The following ADGRB3 variants were observed in gnomAD, a reference collection of about 807,000 sequenced individuals.
ADGRB3 encodes brain-specific angiogenesis inhibitor 3.
A neutral mutation model predicts 193.4 loss-of-function variants in ADGRB3; 37 were observed. The ratio of observed to expected loss-of-function variants is 0.19; its 90% CI spans 0.15 to 0.25. The LOEUF is 0.25. ADGRB3 is among the 10% of genes least tolerant of loss of function. The pLI is 1.00. For synonymous variants in ADGRB3, 690 were observed against 644.2 expected, an observed-to-expected ratio of 1.07 and a Z score of -1.08; for missense variants, 1,637 against 1,852.9, an observed-to-expected ratio of 0.88 and a Z score of 2.14.
intron 3 of ADGRB3, among the ~76,000 whole-genome samples, chr6:68,737,319 T>C (rs1765891547): frequency 6.6e-6 from 1 of 152,142 alleles, no homozygotes; most frequent in Non-Finnish European, 1.5e-5. Flanking sequence ...ACATTCTTTT[T>C]TTGCATTTAT....
Position 69,050,560 on chromosome 6 carries a change from T to G in ADGRB3, c.2333+1214T>G, listed in dbSNP as rs189923975. ...ATTTACAGTTACTCACAGATAAAAT[T>G]TAGTCATAGTTACACTGCCTATATC... is the stretch of plus-strand genomic sequence containing the variant. On this transcript the variant is annotated intron_variant, in intron 15 of 31. Transcript: ENST00000370598. Among the ~76,000 whole-genome samples the G allele has an allele frequency of 1.2e-3, 188 of 152,312 alleles. 1 individual carries two copies. Among genetic ancestry groups the G allele is most frequent in the African/African-American group, 4.4e-3 (185 of 41,574 alleles).
At chr6:69,246,234 G>T in intron 20 of ADGRB3, among the ~76,000 whole-genome samples, 1 of 152,116 alleles carries the variant, frequency 6.6e-6, no homozygotes, top group East Asian at 1.9e-4. Flanking sequence ...TGCCAATAGT[G>T]TCCCAAGTGT....
chr6:69,333,080 G>T, intron 24 of ADGRB3, 72 bp downstream of exon 24: 1 of 1,476,820 alleles, frequency 6.8e-7, no homozygotes, highest in South Asian at 1.2e-5. Flanking sequence ...GACCATCACT[G>T]ACTGCGTTTG....
At chr6:68,650,885 A>G (rs557818090) in intron 3 of ADGRB3, among the ~76,000 whole-genome samples, 1 of 152,162 alleles carries the variant, frequency 6.6e-6, no homozygotes, top group Non-Finnish European at 1.5e-5. Context: ...CTAGACTTCT[A>G]TTGAAACAGC....
chr6:68,990,817 T>C (rs879427552), intron 10 of ADGRB3, among the ~76,000 whole-genome samples: 1 of 152,304 alleles, frequency 6.6e-6, no homozygotes. Context: ...ACATTAATTA[T>C]TTACCGTGGC....
At position 68,903,679 on chromosome 6, in the gene ADGRB3, A is replaced by G. The variant is rs983250792; in HGVS notation, c.758-26880A>G. Among the ~76,000 whole-genome samples, 20 of 152,210 alleles carry G rather than the reference A, an allele frequency of 1.3e-4. 1 individual carries two copies. The highest frequency in any genetic ancestry group is 1.0e-3 in the South Asian group (5 of 4,826). On this transcript the variant is annotated intron_variant, in intron 3 of 31. Coordinates refer to ENST00000370598, the MANE Select transcript of ADGRB3 (RefSeq NM_001704.3). ...GTGCCTAACTGCTGTCATCTTAGAC[A>G]CAACCACCTCTGATGCTTTCTAATT...
At chr6:69,125,058 A>G (rs1235044136) in intron 17 of ADGRB3, among the ~76,000 whole-genome samples, 2 of 152,142 alleles carry the variant, frequency 1.3e-5, no homozygotes, top group Non-Finnish European at 2.9e-5. Context: ...TGCAGGGTCT[A>G]CATCACCAGG....
intron 3 of ADGRB3, among the ~76,000 whole-genome samples, chr6:68,721,961 T>G (rs1035714447): frequency 6.6e-6 from 1 of 151,650 alleles, no homozygotes; most frequent in South Asian, 2.1e-4. Context: ...TCATTAATCA[T>G]TTTTTCATTT....
At chr6:68,735,100 C>T (rs1582158297) in intron 3 of ADGRB3, among the ~76,000 whole-genome samples, 2 of 151,982 alleles carry the variant, frequency 1.3e-5, no homozygotes, top group South Asian at 2.1e-4. Context: ...TTGTATTCTA[C>T]ATATATAAAT....
intron 3 of ADGRB3, among the ~76,000 whole-genome samples, chr6:68,681,882 T>C (rs1667308343): frequency 6.6e-6 from 1 of 152,236 alleles, no homozygotes; most frequent in African/African-American, 2.4e-5. Context: ...TTACTCTGTC[T>C]GGTATGACAA....
intron 20 of ADGRB3, among the ~76,000 whole-genome samples, chr6:69,291,737 C>A (rs980802495): frequency 6.6e-6 from 1 of 152,082 alleles, no homozygotes; most frequent in African/African-American, 2.4e-5. Flanking sequence ...GTTCAGGATA[C>A]ACTACCCCCA....
chr6:68,994,358 A>G (rs998570343), intron 11 of ADGRB3, among the ~76,000 whole-genome samples: 2 of 152,202 alleles, frequency 1.3e-5, no homozygotes, highest in African/African-American at 4.8e-5. Context: ...GCAAAAAAAC[A>G]TAGTTTAAAG....
At chr6:68,645,958 C>T (rs1224532980) in intron 3 of ADGRB3, among the ~76,000 whole-genome samples, 1 of 152,036 alleles carries the variant, frequency 6.6e-6, no homozygotes, top group Non-Finnish European at 1.5e-5. Context: ...CAGGCAGGAG[C>T]CACCGTGGCC....
chr6:69,192,665 C>A (rs779483), intron 17 of ADGRB3, among the ~76,000 whole-genome samples: 1 of 151,992 alleles, frequency 6.6e-6, no homozygotes, highest in Non-Finnish European at 1.5e-5. Context: ...GTAGACCAAA[C>A]TGGGTTATCA....
chr6:68,773,233 G>A (rs937032644), intron 3 of ADGRB3, among the ~76,000 whole-genome samples: 2 of 152,016 alleles, frequency 1.3e-5, no homozygotes, highest in African/African-American at 2.4e-5. Flanking sequence ...AAGAAACTAG[G>A]CAATTTTCTA....
chr6:69,040,251 C>T (rs1243907843), intron 13 of ADGRB3, among the ~76,000 whole-genome samples: 1 of 152,042 alleles, frequency 6.6e-6, no homozygotes, highest in Non-Finnish European at 1.5e-5. Context: ...AGAATCCTGT[C>T]TTCATCGCTT....
chr6:68,732,967 T>A (rs779127652), intron 3 of ADGRB3, among the ~76,000 whole-genome samples: 6 of 151,832 alleles, frequency 4.0e-5, no homozygotes, highest in Non-Finnish European at 7.4e-5. Context: ...ATTTCTAATG[T>A]CATCCAGCTC....
intron 20 of ADGRB3, among the ~76,000 whole-genome samples, chr6:69,253,958 G>A (rs187146847): frequency 2.2e-4 from 33 of 152,176 alleles, no homozygotes; most frequent in Admixed American, 5.9e-4. Context: ...TAGAATATTT[G>A]TAGAAAGTTA....
intron 3 of ADGRB3, among the ~76,000 whole-genome samples, chr6:68,894,931 CCTAA>C (rs1245464822): frequency 1.3e-5 from 2 of 151,302 alleles, no homozygotes; most frequent in Admixed American, 6.6e-5. Flanking sequence ...GTAGGTAATC[CCTAA>C]CTAACTGCAT....
Sources: gnomAD v4.1 joint callset for allele counts (sites outside exome capture counted in the v4.1 genomes callset) on GRCh38, gnomAD v4.1.1 for gene constraint, MANE v1.5 for transcripts, NCBI Gene and HGNC (gene_info 2026-07-23, HGNC 2026-07-21) for gene names.